The following COX16 variants were observed in gnomAD, a reference collection of about 807,000 sequenced individuals.
COX16 encodes cytochrome c oxidase assembly protein COX16 homolog, mitochondrial.
In COX16, 12 loss-of-function variants were observed where a neutral mutation model predicts 15.4. The observed-to-expected ratio is 0.78, with a 90% CI of 0.50 to 1.26. COX16 has a LOEUF of 1.26. COX16 is among the 50% of genes most tolerant of loss of function. The pLI is 0.00. For synonymous variants in COX16, 46 were observed against 41.1 expected (o/e 1.12, Z -0.46); for missense variants, 124 against 127.6 (o/e 0.97, Z 0.14).
rs1887127059 is a variant in COX16, at chr14:70,356,391, T to G, written c.69+3128A>C. Among the ~76,000 whole-genome samples the G allele has an allele frequency of 3.3e-5, 5 of 152,210 alleles. No individual in the cohort carries two copies. In the South Asian group the frequency reaches 1.0e-3, roughly 32 times the overall value. On this transcript the variant is annotated intron_variant, in intron 1 of 3. Coordinates refer to ENST00000389912, the MANE Select transcript of COX16 (RefSeq NM_016468.7). ...ACAGGAGGTGGAGCTCAGGCAATAA[T>G]GCCCACTCACCTACTGCTCACCTCC...
chr14:70,344,528 A>G (rs140518782), intron 1 of COX16, among the ~76,000 whole-genome samples: 92 of 152,366 alleles, frequency 6.0e-4, no homozygotes, highest in African/African-American at 2.1e-3. Flanking sequence ...GTTAATGACC[A>G]CAAGGAGAAA....
chr14:70,349,016 C>T (rs1886864732), intron 1 of COX16, among the ~76,000 whole-genome samples: 1 of 152,198 alleles, frequency 6.6e-6, no homozygotes, highest in African/African-American at 2.4e-5. Flanking sequence ...AGCCCAAAAC[C>T]TTCAAAAGCA....
chr14:70,337,207 T>C (rs1158445101), intron 2 of COX16, among the ~76,000 whole-genome samples: 5 of 152,136 alleles, frequency 3.3e-5, no homozygotes, highest in African/African-American at 1.2e-4. Flanking sequence ...GAAAATTCTC[T>C]GAAAAGTAGA....
chr14:70,326,272 G>C lies in COX16; in HGVS notation c.*61C>G, dbSNP rs1886068358. 7.7e-7 allele frequency: 1 copy of C among 1,304,986 alleles called. No homozygotes were observed. Among genetic ancestry groups the C allele is most frequent in the African/African-American group, 1.5e-5 (1 of 64,950 alleles). The allele number at this position is 1,304,986 out of a possible 1,614,324, so 80.8% of individuals were successfully genotyped here. On this transcript the variant is annotated 3_prime_UTR_variant, in exon 4 of 4. Transcript: ENST00000389912. The stretch of plus-strand genomic sequence containing the variant: ...TCCACTTGATAGAAGTATATATTAG[G>C]AAGTCCAGTTAATAATATTTTTATT...
intron 3 of COX16, among the ~76,000 whole-genome samples, chr14:70,328,572 C>T (rs1886169589): frequency 6.6e-6 from 1 of 151,582 alleles, no homozygotes; most frequent in East Asian, 2.0e-4. Context: ...TAGACTTTGA[C>T]ATTCCTATTA....
chr14:70,336,257 AAAAAACAAAAAACAAAAAC>A (rs1886452283), intron 2 of COX16, among the ~76,000 whole-genome samples: 1 of 115,998 alleles, frequency 8.6e-6, no homozygotes, highest in Admixed American at 9.3e-5. Flanking sequence ...CTTCGTCTCA[AAAAAACAAAAAACAAAAAC>A]AAAAACAAAA....
At chr14:70,342,984 C>T (rs1215355994) in intron 1 of COX16, among the ~76,000 whole-genome samples, 1 of 152,166 alleles carries the variant, frequency 6.6e-6, no homozygotes, top group East Asian at 1.9e-4. Context: ...ATTTAAATGA[C>T]ATCATAACAA....
rs1449573367 is a variant in COX16 at position 70,329,224 on chromosome 14, G to A, written c.154C>T (p.Leu52Phe). Residue 52 changes from leucine (L) to phenylalanine (F), a missense_variant, in exon 3 of 4, where the codon CTT becomes TTT. Coordinates refer to ENST00000389912, the MANE Select transcript of COX16 (RefSeq NM_016468.7). The stretch of plus-strand genomic sequence containing the variant: ...TTATTCTCTTTCAGTTTTTTTTCAA[G>A]CTCAGGATCCATCTGTAGAAAAGGA... Reference protein sequence around the residue: ...DAVKSKMDPELEKKLKENKIS... With the variant: ...DAVKSKMDPEFEKKLKENKIS... 3.1e-6 allele frequency: 5 copies of A among 1,591,508 alleles called. No individual in the cohort carries two copies. Among genetic ancestry groups the A allele is most frequent in the Non-Finnish European group, 4.3e-6 (5 of 1,166,946 alleles).
chr14:70,337,847 A>G (rs1430275006), intron 2 of COX16, among the ~76,000 whole-genome samples: 1 of 152,176 alleles, frequency 6.6e-6, no homozygotes, highest in African/African-American at 2.4e-5. Flanking sequence ...GAGATTGAAC[A>G]CAGCAAAAAA....
chr14:70,347,915 A>C (rs1263795926), intron 1 of COX16, among the ~76,000 whole-genome samples: 1 of 152,026 alleles, frequency 6.6e-6, no homozygotes, highest in African/African-American at 2.4e-5. Context: ...AAGACACTAA[A>C]GGCCCTCTCC....
intron 1 of COX16, among the ~76,000 whole-genome samples, chr14:70,357,583 A>C (rs1341388800): frequency 6.6e-6 from 1 of 152,262 alleles, no homozygotes; most frequent in Non-Finnish European, 1.5e-5. Flanking sequence ...AAAATGGGCA[A>C]AGGATTTGAA....
intron 2 of COX16, among the ~76,000 whole-genome samples, chr14:70,338,172 G>A (rs1375634851): frequency 6.6e-6 from 1 of 152,178 alleles, no homozygotes; most frequent in Non-Finnish European, 1.5e-5. Context: ...GGAGTGCAAT[G>A]GCACGATCAC....
rs1886595632 is a variant in COX16, at chr14:70,340,589, T to C, written c.141+2069A>G. 2.0e-5 allele frequency among the ~76,000 whole-genome samples: 3 copies of C among 152,214 alleles called. No individual in the cohort carries two copies. The South Asian group carries it at 6.2e-4, about 32-fold the overall frequency. The stretch of plus-strand genomic sequence containing the variant: ...TTATCATCGTTGCAAATATTTTATT[T>C]CAGGTTCCATTATTGTTCATCTATG... On this transcript the variant is annotated intron_variant, in intron 2 of 3. Transcript: ENST00000389912.
intron 2 of COX16, among the ~76,000 whole-genome samples, chr14:70,333,082 T>C (rs1886341855): frequency 6.6e-6 from 1 of 152,214 alleles, no homozygotes; most frequent in Non-Finnish European, 1.5e-5. Flanking sequence ...TTAGAATCCC[T>C]GGAACACCCT....
chr14:70,340,918 C>T (rs1886606280), intron 2 of COX16, among the ~76,000 whole-genome samples: 1 of 152,158 alleles, frequency 6.6e-6, no homozygotes, highest in African/African-American at 2.4e-5. Flanking sequence ...CTAGTAATGG[C>T]ATTTTACTGG....
chr14:70,355,299 A>G (rs1887092738), intron 1 of COX16, among the ~76,000 whole-genome samples: 1 of 151,976 alleles, frequency 6.6e-6, no homozygotes, highest in Non-Finnish European at 1.5e-5. Flanking sequence ...CTTCCCTCAT[A>G]TCTGGTTTTT....
intron 1 of COX16, among the ~76,000 whole-genome samples, chr14:70,346,573 G>A (rs1015631320): frequency 9.9e-5 from 15 of 152,192 alleles, no homozygotes; most frequent in African/African-American, 3.6e-4. Flanking sequence ...GGATCTCATT[G>A]GCCTTGCCGC....
chr14:70,342,819 G>A (rs1479713556), intron 1 of COX16, 90 bp from the exon 2 acceptor site: 1 of 1,369,104 alleles, frequency 7.3e-7, no homozygotes, highest in Non-Finnish European at 1.0e-6. Flanking sequence ...AACAACAATA[G>A]AGGCACATTA....
intron 3 of COX16, chr14:70,328,085 T>TTTTTTTTTTG (rs1886147426): frequency 7.6e-6 from 1 of 131,820 alleles, no homozygotes; most frequent in Non-Finnish European, 1.6e-5. Flanking sequence ...TTTTTTTTTT[T>TTTTTTTTTTG]TTTTTTTTTT....
Sources: gnomAD v4.1 joint callset for allele counts (sites outside exome capture counted in the v4.1 genomes callset) on GRCh38, gnomAD v4.1.1 for gene constraint, MANE v1.5 for transcripts, NCBI Gene and HGNC (gene_info 2026-07-23, HGNC 2026-07-21) for gene names.